Variants in KCNK10 observed in about 807,000 individuals in gnomAD.
The protein encoded by KCNK10 is potassium two pore domain channel subfamily K member 10, also known as potassium channel subfamily K member 10.
KCNK10 carries 25 observed loss-of-function variants against 47.7 expected under a neutral mutation model. That is an observed-to-expected ratio of 0.52 (90% confidence interval 0.38 to 0.73). The LOEUF (loss-of-function observed/expected upper bound fraction) is 0.73. Ranked by LOEUF, KCNK10 falls within the 30% of genes least tolerant of loss-of-function variation. The pLI is 0.00. For missense variants in KCNK10, 563 were observed against 714.5 expected (o/e 0.79, Z 2.42); for synonymous variants, 303 against 285.6 (o/e 1.06, Z -0.61).
At chr14:88,278,721 C>A (rs955241526) in intron 1 of KCNK10, among the ~76,000 whole-genome samples, 4 of 152,202 alleles carry the variant, frequency 2.6e-5, no homozygotes, top group Non-Finnish European at 5.9e-5. Context: ...TTGGATTCAA[C>A]CCATACTTAA....
At chr14:88,324,249 G>T (rs1432653904), upstream of KCNK10, among the ~76,000 whole-genome samples, 2 of 152,220 alleles carry the variant, frequency 1.3e-5, no homozygotes, top group African/African-American at 2.4e-5. Flanking sequence ...CACTGCCCCT[G>T]CTTGAAGCCC....
rs1433124877 is a variant in KCNK10 at position 88,322,220 on chromosome 14, G to C, written c.52+527C>G. ...ATTGAACGAAGACTCAGGAGGCCCT[G>C]TGGGCTCCATTATTCTGCATGCCCT... On this transcript the variant is annotated intron_variant, in intron 1 of 6. Transcript: ENST00000319231. This position sits in a 1 kb window ranked among gnomAD's most constrained non-coding sequence, Gnocchi z 4.8. Among the ~76,000 whole-genome samples, 1 of 152,102 alleles carries C rather than the reference G, an allele frequency of 6.6e-6. No individual in the cohort carries two copies. The highest frequency in any genetic ancestry group is 6.5e-5 in the Admixed American group (1 of 15,274).
chr14:88,194,471 T>G (rs1377042047), intron 4 of KCNK10, among the ~76,000 whole-genome samples: 1 of 152,186 alleles, frequency 6.6e-6, no homozygotes, highest in Non-Finnish European at 1.5e-5. Context: ...CTCAAATGCA[T>G]AGTGAAGTTA....
Position 88,322,786 on chromosome 14 carries a change from T to C in KCNK10, c.13A>G (p.Ile5Val), listed in dbSNP as rs140666795. Residue 5 changes from isoleucine (I) to valine (V), a missense_variant, in exon 1 of 7, where the codon ATC (isoleucine) becomes GTC (valine). Coordinates refer to ENST00000319231, the MANE Select transcript of KCNK10 (RefSeq NM_138317.3). The surrounding 1 kb of genome is among the most constrained non-coding windows in gnomAD (Gnocchi z 4.8). MKFP[I>V]ETPRKQVNWD... is the part of the protein sequence containing the mutation. ...TTCACCTGTTTTCTTGGCGTCTCGATTGGAAATTTCATTGCTTCGTTGCCC... is the reference window on the plus strand; with the variant it reads ...TTCACCTGTTTTCTTGGCGTCTCGACTGGAAATTTCATTGCTTCGTTGCCC... 4.3e-6 allele frequency: 7 copies of C among 1,614,026 alleles called. No homozygotes were observed. The highest frequency in any genetic ancestry group is 5.9e-6 in the Non-Finnish European group (7 of 1,180,028).
At chr14:88,232,873 G>A (rs1886194101) in intron 3 of KCNK10, among the ~76,000 whole-genome samples, 1 of 152,150 alleles carries the variant, frequency 6.6e-6, no homozygotes, top group African/African-American at 2.4e-5. Flanking sequence ...ACAGTGTCCT[G>A]CCTCCCACCA....
chr14:88,197,881 AG>A (rs2139834758), intron 4 of KCNK10, among the ~76,000 whole-genome samples: 1 of 151,632 alleles, frequency 6.6e-6, no homozygotes, highest in Non-Finnish European at 1.5e-5. Context: ...AGAGAGAGAG[AG>A]AGAGAGAGAG....
Position 88,239,993 on chromosome 14 carries a change from G to T in KCNK10, c.520+710C>A, listed in dbSNP as rs537952183. ...ACACACATACAAAAAATAAGACAAA[G>T]ACTGATACAGGAAAGAGGTCATCAC... On this transcript the variant is annotated intron_variant, in intron 3 of 6. Transcript: ENST00000319231. Among the ~76,000 whole-genome samples, 27 of 151,954 alleles carry T rather than the reference G, an allele frequency of 1.8e-4. 1 individual carries two copies. Among genetic ancestry groups the T allele is most frequent in the Middle Eastern group, 6.8e-3 (2 of 294 alleles).
rs1044039026 is a variant in KCNK10 at position 88,260,477 on chromosome 14, C to A, written c.402+2725G>T. Among the ~76,000 whole-genome samples the A allele has an allele frequency of 2.0e-5, 3 of 152,180 alleles. No individual in the cohort carries two copies. Among genetic ancestry groups the A allele is most frequent in the Non-Finnish European group, 4.4e-5 (3 of 68,036 alleles). On this transcript the variant is annotated intron_variant, in intron 2 of 6. Transcript: ENST00000319231. This position sits in a 1 kb window ranked among gnomAD's most constrained non-coding sequence, Gnocchi z 4.5. ...TCTTTATAGTGAGAATGGACTAATACAGCATTCAACATAAAGCACAAGTTT... is the reference window on the plus strand; with the variant it reads ...TCTTTATAGTGAGAATGGACTAATAAAGCATTCAACATAAAGCACAAGTTT...
chr14:88,290,517 A>C (rs528311294), intron 1 of KCNK10, among the ~76,000 whole-genome samples: 1 of 152,354 alleles, frequency 6.6e-6, no homozygotes, highest in South Asian at 2.1e-4. Flanking sequence ...TGTGCCAGGC[A>C]CTGTGTACAT....
At chr14:88,305,654 C>T (rs1566720204) in intron 1 of KCNK10, among the ~76,000 whole-genome samples, 1 of 152,160 alleles carries the variant, frequency 6.6e-6, no homozygotes, top group Non-Finnish European at 1.5e-5. Flanking sequence ...GAAGCTTTAC[C>T]ATATGTCTTC....
At chr14:88,270,785 T>A (rs1887388150) in intron 1 of KCNK10, 1 of 780,894 alleles carries the variant, frequency 1.3e-6, no homozygotes, top group Non-Finnish European at 2.4e-6. Flanking sequence ...AAATCCATCC[T>A]CCATATACCA....
chr14:88,253,442 C>T (rs1239737959), intron 2 of KCNK10, among the ~76,000 whole-genome samples: 1 of 152,110 alleles, frequency 6.6e-6, no homozygotes, highest in African/African-American at 2.4e-5. Context: ...ATCTGATCAT[C>T]ATACATTGTA....
chr14:88,221,254 A>G (rs899161802), intron 4 of KCNK10, among the ~76,000 whole-genome samples: 2 of 151,546 alleles, frequency 1.3e-5, no homozygotes, highest in Admixed American at 6.6e-5. Context: ...GTGAGCCAAG[A>G]TCATACCACT....
chr14:88,290,261 A>G (rs1468155244), intron 1 of KCNK10, among the ~76,000 whole-genome samples: 3 of 152,190 alleles, frequency 2.0e-5, no homozygotes, highest in Non-Finnish European at 2.9e-5. Context: ...TGGTGCAGCC[A>G]TGAGCCAAGA....
At chr14:88,265,365 C>T (rs1015046776) in intron 1 of KCNK10, among the ~76,000 whole-genome samples, 1 of 152,010 alleles carries the variant, frequency 6.6e-6, no homozygotes, top group African/African-American at 2.4e-5. Context: ...GATGTGAGGA[C>T]AGATACACAG....
chr14:88,250,134 T>G (rs1271073783), intron 2 of KCNK10, among the ~76,000 whole-genome samples: 1 of 152,208 alleles, frequency 6.6e-6, no homozygotes, highest in Non-Finnish European at 1.5e-5. Context: ...TTTAGAACAT[T>G]GAATTCTCAT....
At chr14:88,269,743 C>A (rs769057075) in intron 1 of KCNK10, among the ~76,000 whole-genome samples, 2 of 152,116 alleles carry the variant, frequency 1.3e-5, no homozygotes, top group African/African-American at 2.4e-5. Flanking sequence ...AGCCAGTGAA[C>A]CTGTTTTTAT....
chr14:88,311,370 A>G (rs1218168968), intron 1 of KCNK10, among the ~76,000 whole-genome samples: 2 of 152,182 alleles, frequency 1.3e-5, no homozygotes, highest in Admixed American at 6.5e-5. Context: ...AAGACCTACT[A>G]TGCCCTACAT....
intron 1 of KCNK10, among the ~76,000 whole-genome samples, chr14:88,298,562 C>T (rs1276437690): frequency 6.6e-6 from 1 of 152,172 alleles, no homozygotes; most frequent in Admixed American, 6.5e-5. Flanking sequence ...GCTAGTGGGT[C>T]CTCAGCCCTC....
Sources: gnomAD v4.1 joint callset for allele counts (sites outside exome capture counted in the v4.1 genomes callset) on GRCh38, gnomAD v4.1.1 for gene constraint, Gnocchi (gnomAD v3.1) non-coding constraint, MANE v1.5 for transcripts, NCBI Gene and HGNC (gene_info 2026-07-23, HGNC 2026-07-21) for gene names.